Variants in NCOA2 observed in about 807,000 individuals in gnomAD.
NCOA2 encodes nuclear receptor coactivator 2.
A neutral mutation model predicts 145.1 loss-of-function variants in NCOA2; 21 were observed. The ratio of observed to expected loss-of-function variants is 0.14; its 90% CI spans 0.10 to 0.21. NCOA2 has a LOEUF of 0.21. NCOA2 is among the 10% of genes least tolerant of loss of function. The probability of loss-of-function intolerance (pLI) is 1.00; values close to 1 mark genes in which losing one functional copy is unlikely to be tolerated. For synonymous variants in NCOA2, 619 were observed against 637.5 expected (o/e 0.97, Z 0.44); for missense variants, 1,472 against 1,837.6 (o/e 0.80, Z 3.64).
intron 15 of NCOA2, among the ~76,000 whole-genome samples, chr8:70,135,474 T>C (rs1016260503): frequency 6.6e-6 from 1 of 152,154 alleles, no homozygotes; most frequent in Admixed American, 6.5e-5. Flanking sequence ...TGAGCTACAA[T>C]ACATTAAAAA....
chr8:70,330,564 G>A (rs1461730283), intron 1 of NCOA2, among the ~76,000 whole-genome samples: 4 of 144,628 alleles, frequency 2.8e-5, no homozygotes, highest in Non-Finnish European at 6.0e-5. Flanking sequence ...CAGACACCAT[G>A]TCTCAAAAAA....
At chr8:70,455,281 G>A in the NCOA2 span, among the ~76,000 whole-genome samples, 7 of 152,160 alleles carry the variant, frequency 4.6e-5, no homozygotes, top group Non-Finnish European at 7.4e-5. Context: ...AGTTAAGCAG[G>A]TTGCATGTAA....
In NCOA2 at chr8:70,273,410, A is replaced by G. The variant is rs907627420; in HGVS notation, c.-20+23334T>C. On this transcript the variant is annotated intron_variant, in intron 2 of 22. Coordinates refer to ENST00000452400, the MANE Select transcript of NCOA2 (RefSeq NM_006540.4). ...AATCATGAACCAGGAAAAACTCGCC[A>G]AACTGCAGGCAAAAGTGCCCATTGG... 2.6e-5 allele frequency: 20 copies of G among 769,290 alleles called. No homozygotes were observed. In the East Asian group the frequency reaches 6.6e-4, roughly 25 times the overall value. The allele number at this position is 769,290 out of a possible 1,614,324, so 47.7% of individuals were successfully genotyped here.
the NCOA2 span, among the ~76,000 whole-genome samples, chr8:70,419,972 A>G: frequency 6.6e-6 from 1 of 152,214 alleles, no homozygotes; most frequent in Non-Finnish European, 1.5e-5. Context: ...ATTTTGGGAA[A>G]GCCTGTGCAC....
intron 1 of NCOA2, among the ~76,000 whole-genome samples, chr8:70,350,050 T>C (rs1809029259): frequency 6.6e-6 from 1 of 152,124 alleles, no homozygotes; most frequent in Non-Finnish European, 1.5e-5. Context: ...TTTATTAGTA[T>C]ACTGTTACGT....
chr8:70,424,491 G>A, the NCOA2 span: 1 of 525,540 alleles, frequency 1.9e-6, no homozygotes, highest in Non-Finnish European at 3.8e-6. Flanking sequence ...TGGCAGTGAT[G>A]GCAAAGGCTA....
At chr8:70,437,699 AG>A in the NCOA2 span, among the ~76,000 whole-genome samples, 1 of 152,238 alleles carries the variant, frequency 6.6e-6, no homozygotes, top group South Asian at 2.1e-4. Flanking sequence ...GAAGACTTAC[AG>A]TAGTCACAGT....
chr8:70,148,255 G>A lies in NCOA2; in HGVS notation c.2605+18C>T. On this transcript the variant is annotated intron_variant, in intron 12 of 22. Coordinates refer to ENST00000452400, the MANE Select transcript of NCOA2 (RefSeq NM_006540.4). ...ATATGGAAATTTCTTGGCATAACCA[G>A]CCATTTCTCATACTCACTGCTCTGT... is the stretch of plus-strand genomic sequence containing the variant. 1.2e-6 allele frequency: 2 copies of A among 1,609,316 alleles called. No homozygotes were observed. The highest frequency in any genetic ancestry group is 1.7e-6 in the Non-Finnish European group (2 of 1,175,824).
At chr8:70,228,509 A>G (rs1223150984) in intron 2 of NCOA2, among the ~76,000 whole-genome samples, 2 of 152,226 alleles carry the variant, frequency 1.3e-5, no homozygotes, top group East Asian at 3.8e-4. Context: ...ATTGGATTCA[A>G]GAAAGGTAGC....
At chr8:70,276,392 C>A (rs76814288) in intron 2 of NCOA2, among the ~76,000 whole-genome samples, 1 of 152,032 alleles carries the variant, frequency 6.6e-6, no homozygotes, top group African/African-American at 2.4e-5. Context: ...CAAAATATGG[C>A]AGCAAAAACT....
chr8:70,205,681 G>A (rs1029161828), intron 4 of NCOA2, among the ~76,000 whole-genome samples: 6 of 152,162 alleles, frequency 3.9e-5, no homozygotes, highest in African/African-American at 1.2e-4. Flanking sequence ...GCCAGTGTAT[G>A]TCATGGGGAA....
intron 1 of NCOA2, among the ~76,000 whole-genome samples, chr8:70,380,756 C>A (rs534213301): frequency 3.3e-5 from 5 of 152,048 alleles, no homozygotes; most frequent in African/African-American, 1.2e-4. Context: ...TTCATATATA[C>A]CACACGAAAT....
At chr8:70,440,844 GAGAAAGAA>G in the NCOA2 span, among the ~76,000 whole-genome samples, 1 of 150,912 alleles carries the variant, frequency 6.6e-6, no homozygotes, top group Non-Finnish European at 1.5e-5. Context: ...AGAGGAAAGA[GAGAAAGAA>G]AGAAAGGAAG....
chr8:70,329,150 G>T (rs1279687145), intron 1 of NCOA2, among the ~76,000 whole-genome samples: 1 of 151,836 alleles, frequency 6.6e-6, no homozygotes, highest in Non-Finnish European at 1.5e-5. Context: ...TTTGAGACAG[G>T]GTCTCACTCT....
chr8:70,196,899 A>C (rs1165556045), intron 4 of NCOA2, among the ~76,000 whole-genome samples: 1 of 152,212 alleles, frequency 6.6e-6, no homozygotes, highest in East Asian at 1.9e-4. Flanking sequence ...GTCACTGACT[A>C]GTTTTAAGGC....
chr8:70,186,591 A>G (rs973985523), intron 4 of NCOA2, among the ~76,000 whole-genome samples: 1 of 152,228 alleles, frequency 6.6e-6, no homozygotes, highest in Non-Finnish European at 1.5e-5. Context: ...AAAGTCTGGT[A>G]AAATAAAGGA....
chr8:70,210,128 G>A (rs1052754130), intron 4 of NCOA2, among the ~76,000 whole-genome samples: 1 of 152,164 alleles, frequency 6.6e-6, no homozygotes, highest in African/African-American at 2.4e-5. Context: ...TAATGGCTGT[G>A]TGACTTTGCC....
intron 22 of NCOA2, among the ~76,000 whole-genome samples, chr8:70,115,957 C>T (rs1307762896): frequency 6.6e-6 from 1 of 151,880 alleles, no homozygotes; most frequent in African/African-American, 2.4e-5. Flanking sequence ...GAGGCCGAGG[C>T]AGGCAGATCA....
At chr8:70,273,723 G>C (rs2135347573) in intron 2 of NCOA2, 1 of 620,854 alleles carries the variant, frequency 1.6e-6, no homozygotes, top group East Asian at 3.7e-5. Context: ...ACTGGCTGAA[G>C]CACTGTCCAA....
Sources: gnomAD v4.1 joint callset for allele counts (sites outside exome capture counted in the v4.1 genomes callset) on GRCh38, gnomAD v4.1.1 for gene constraint, MANE v1.5 for transcripts, NCBI Gene and HGNC (gene_info 2026-07-23, HGNC 2026-07-21) for gene names.